ENPP2: variants seen among roughly 807,000 people sequenced by gnomAD.
The protein encoded by ENPP2 is ectonucleotide pyrophosphatase/phosphodiesterase 2.
ENPP2 carries 51 observed loss-of-function variants against 120.2 expected under a neutral mutation model. The ratio of observed to expected loss-of-function variants is 0.42; its 90% CI spans 0.34 to 0.54. The LOEUF (loss-of-function observed/expected upper bound fraction) is 0.54. Among genes scored for constraint, ENPP2 ranks in the 20% least tolerant of loss-of-function variants. The pLI, the probability that ENPP2 is intolerant of heterozygous loss-of-function variation, is 0.04. For synonymous variants in ENPP2, 365 were observed against 366.4 expected, an observed-to-expected ratio of 1.00 and a Z score of 0.04; for missense variants, 920 against 1,066.5, an observed-to-expected ratio of 0.86 and a Z score of 1.91.
intron 1 of ENPP2, among the ~76,000 whole-genome samples, chr8:119,667,828 G>T (rs1489051005): frequency 6.6e-6 from 1 of 152,192 alleles, no homozygotes; most frequent in Non-Finnish European, 1.5e-5. Flanking sequence ...TTTTCGTAAA[G>T]ATCAATTACA....
intron 11 of ENPP2, among the ~76,000 whole-genome samples, chr8:119,598,392 C>A (rs1814053456): frequency 6.6e-6 from 1 of 152,120 alleles, no homozygotes; most frequent in African/African-American, 2.4e-5. Flanking sequence ...AACATGAATA[C>A]TTTCAACTCT....
intron 1 of ENPP2, among the ~76,000 whole-genome samples, chr8:119,648,397 T>C (rs1420502818): frequency 6.6e-6 from 1 of 152,226 alleles, no homozygotes; most frequent in East Asian, 1.9e-4. Context: ...TTTCACATTC[T>C]TTTTAACCTT....
chr8:119,591,072 T>G (rs1219749501), intron 12 of ENPP2, among the ~76,000 whole-genome samples: 1 of 150,620 alleles, frequency 6.6e-6, no homozygotes, highest in Non-Finnish European at 1.5e-5. Flanking sequence ...GAATATACAG[T>G]TCTGTGTCTC....
chr8:119,617,069 C>T, intron 7 of ENPP2, 95 bp downstream of exon 7: 1 of 810,576 alleles, frequency 1.2e-6, no homozygotes, highest in African/African-American at 1.7e-5. Flanking sequence ...TCTTTGAACA[C>T]TAAGGAACAC....
In ENPP2 at chr8:119,593,783, C is replaced by A. The variant is rs61753744; in HGVS notation, c.1050G>T (p.Arg350=). 1 of 1,612,436 alleles carries A rather than the reference C, an allele frequency of 6.2e-7. No homozygotes were observed. Among genetic ancestry groups the A allele is most frequent in the Non-Finnish European group, 8.5e-7 (1 of 1,178,462 alleles). The change falls in exon 12 of 25, where the codon CGG becomes CGT. Residue 350 remains arginine (R), a synonymous_variant. Coordinates refer to ENST00000075322, the MANE Select transcript of ENPP2 (RefSeq NM_001040092.3). The part of the protein sequence containing the change: ...MDGLKQLKLH[R]CVNVIFVGDH... ...CTCCGACAAAGATGACGTTGACACA[C>A]CGATGCAGTTTTAGTTGTTTCAGTC...
chr8:119,572,133 G>T, intron 19 of ENPP2: 1 of 1,094,628 alleles, frequency 9.1e-7, no homozygotes, highest in Non-Finnish European at 1.4e-6. Context: ...GTACTTAGGG[G>T]CAGTAAAACA....
chr8:119,605,440 G>A (rs1346478663), intron 9 of ENPP2, among the ~76,000 whole-genome samples: 1 of 149,106 alleles, frequency 6.7e-6, no homozygotes, highest in South Asian at 2.1e-4. Flanking sequence ...ATGTGTGTGT[G>A]TGTGTGTGTG....
rs138647379 is a variant in ENPP2, at chr8:119,584,045, G to A, written c.1372C>T (p.Pro458Ser). 1.2e-6 allele frequency: 2 copies of A among 1,603,986 alleles called. No homozygotes were observed. The highest frequency in any genetic ancestry group is 2.2e-5 in the East Asian group (1 of 44,796). The change falls in exon 16 of 25, where the codon CCT becomes TCT. Residue 458 changes from proline to serine, a missense_variant. Coordinates refer to ENST00000075322, the MANE Select transcript of ENPP2 (RefSeq NM_001040092.3). ...VERRWHVARK[P>S]LDVYKKPSGK... is the part of the protein sequence containing the mutation. ...GATGGTTTCTTATAAACATCCAAAG[G>A]TTTCCTAAATTGAAACAATTTCATG...
At position 119,603,029 on chromosome 8, in the gene ENPP2, T is replaced by A. The variant is rs529246883; in HGVS notation, c.834-1567A>T. On this transcript the variant is annotated intron_variant, in intron 9 of 24. Coordinates refer to ENST00000075322, the MANE Select transcript of ENPP2 (RefSeq NM_001040092.3). The stretch of plus-strand genomic sequence containing the variant: ...TATCACACAAGACCAGAAAATCATG[T>A]GTGCCATAAAATGAGTCCAAATTTA... Among the ~76,000 whole-genome samples, 4 of 152,298 alleles carry A rather than the reference T, an allele frequency of 2.6e-5. No homozygotes were observed. In the East Asian group the frequency reaches 7.7e-4, roughly 29 times the overall value.
intron 8 of ENPP2, among the ~76,000 whole-genome samples, chr8:119,611,613 A>G (rs1165765516): frequency 6.6e-6 from 1 of 152,232 alleles, no homozygotes; most frequent in Non-Finnish European, 1.5e-5. Context: ...GAACAGTTCC[A>G]TCCGAAACAC....
Position 119,600,006 on chromosome 8 carries a change from C to CAA in ENPP2, c.972+670_972+671dup, listed in dbSNP as rs58150510. Among the ~76,000 whole-genome samples the CAA allele has an allele frequency of 7.3e-4, 50 of 68,942 alleles. No individual in the cohort carries two copies. In the East Asian group the frequency reaches 8.2e-3, roughly 11 times the overall value. The allele number at this position is 68,942 out of a possible 152,430, so 45.2% of individuals were successfully genotyped here. A position where few individuals can be genotyped will look rare whatever the true frequency, so the allele number is the denominator to read the frequency against. ...TAGGTGACGGAGCAAGACTCTGTCT[C>CAA]AAAAAAAAAAAAAAAAAAAAAGTCA... On this transcript the variant is annotated intron_variant, in intron 11 of 24. Transcript: ENST00000075322.
chr8:119,581,811 G>A (rs1008569284), intron 18 of ENPP2, among the ~76,000 whole-genome samples: 14 of 148,844 alleles, frequency 9.4e-5, no homozygotes, highest in African/African-American at 3.5e-4. Context: ...CCAGGCTGGA[G>A]TGTGGTGACA....
upstream of ENPP2, among the ~76,000 whole-genome samples, chr8:119,640,531 C>T (rs915443681): frequency 2.6e-5 from 4 of 152,144 alleles, no homozygotes; most frequent in African/African-American, 9.7e-5. Flanking sequence ...TTGACTTTGT[C>T]TGATATTTGA....
intron 9 of ENPP2, among the ~76,000 whole-genome samples, chr8:119,605,059 C>A (rs1814604254): frequency 6.6e-6 from 1 of 152,078 alleles, no homozygotes; most frequent in Non-Finnish European, 1.5e-5. Context: ...AGGCTTGAGC[C>A]ACTGCACCCG....
At chr8:119,619,417 CAA>C (rs5894488) in intron 4 of ENPP2, 113 bp from the exon 5 acceptor site, 82,148 of 411,988 alleles carry the variant, frequency 0.2, 53 homozygotes, top group East Asian at 0.25. Context: ...TGGGATATAA[CAA>C]AAAAAAAAAA....
intron 1 of ENPP2, among the ~76,000 whole-genome samples, chr8:119,644,726 T>G (rs989581449): frequency 6.7e-6 from 1 of 149,792 alleles, no homozygotes; most frequent in African/African-American, 2.4e-5. Flanking sequence ...TTTATTCATA[T>G]TGAGGTTTTA....
chr8:119,641,141 G>A (rs1587559654), upstream of ENPP2, among the ~76,000 whole-genome samples: 1 of 152,090 alleles, frequency 6.6e-6, no homozygotes, highest in South Asian at 2.1e-4. Context: ...ACACATACAC[G>A]CACACACACA....
rs368199869 is a variant in ENPP2, at chr8:119,559,648, C to CAA, written c.2422-1959_2422-1958dup. Among the ~76,000 whole-genome samples, 195 of 152,240 alleles carry CAA rather than the reference C, an allele frequency of 1.3e-3. 2 individuals are homozygous for CAA. The Middle Eastern group carries it at 0.017, about 13-fold the overall frequency. On this transcript the variant is annotated intron_variant, in intron 24 of 24. Coordinates refer to ENST00000075322, the MANE Select transcript of ENPP2 (RefSeq NM_001040092.3). ...CTGATGAAGACTGTGCTGCAAGATG[C>CAA]AAAACTAAGACAATTCAGATAAAAG... is the stretch of plus-strand genomic sequence containing the variant.
rs1815707345 is a variant in ENPP2 at position 119,619,267 on chromosome 8, T to A, written c.456A>T (p.Ile152=). Residue 152 remains isoleucine, a synonymous_variant, in exon 5 of 25, where the codon ATA becomes ATT. Coordinates refer to ENST00000075322, the MANE Select transcript of ENPP2 (RefSeq NM_001040092.3). ...ACCCTGCAGGGCATTCTGCGGCCTT[T>A]ATTTCCTCACAGTCATCATCAACCC... ...SHWVDDDCEE[I]KAAECPAGFV... 1 of 1,612,908 alleles carries A rather than the reference T, an allele frequency of 6.2e-7. No homozygotes were observed. Among genetic ancestry groups the A allele is most frequent in the South Asian group, 1.1e-5 (1 of 91,034 alleles).
Sources: gnomAD v4.1 joint callset for allele counts (sites outside exome capture counted in the v4.1 genomes callset) on GRCh38, gnomAD v4.1.1 for gene constraint, MANE v1.5 for transcripts, NCBI Gene and HGNC (gene_info 2026-07-23, HGNC 2026-07-21) for gene names.